PCDH19: variants seen among roughly 807,000 people sequenced by gnomAD.
PCDH19 encodes protocadherin 19.
In PCDH19, 6 loss-of-function variants were observed where a neutral mutation model predicts 46.2. That is an observed-to-expected ratio of 0.13 (90% CI 0.07 to 0.26). The LOEUF is 0.26. PCDH19 is among the 10% of genes least tolerant of loss of function. The probability of loss-of-function intolerance (pLI) is 1.00; values close to 1 mark genes in which losing one functional copy is unlikely to be tolerated. For synonymous variants in PCDH19, 481 were observed against 415.7 expected (o/e 1.16, Z -1.91); for missense variants, 740 against 972.3 (o/e 0.76, Z 3.18).
At chrX:100,388,300 TA>T (rs1181855891) in intron 3 of PCDH19, among the ~76,000 whole-genome samples, 1 of 109,730 alleles carries the variant, frequency 9.1e-6, no homozygotes, top group Non-Finnish European at 1.9e-5. Flanking sequence ...GTATTATAGT[TA>T]AACAATTGGA....
Position 100,291,704 on chromosome X carries a change from A to G in PCDH19, c.*4573T>C, listed in dbSNP as rs1343738600. The G allele has an allele frequency of 1.8e-5, 2 of 112,920 alleles. No homozygotes were observed. The highest frequency in any genetic ancestry group is 6.5e-5 in the African/African-American group (2 of 30,978). The allele number at this position is 112,920 out of a possible 1,213,427, so 9.3% of individuals were successfully genotyped here. ...ATTAAATTTTTGAAGCAGAGAAAAC[A>G]CATTTAAAGGGGGAAACAGAGAACC... On this transcript the variant is annotated 3_prime_UTR_variant, in exon 6 of 6. Coordinates refer to ENST00000373034, the MANE Select transcript of PCDH19 (RefSeq NM_001184880.2).
intron 3 of PCDH19, among the ~76,000 whole-genome samples, chrX:100,377,873 G>A (rs767637769): frequency 8.9e-6 from 1 of 112,149 alleles, no homozygotes; most frequent in African/African-American, 3.2e-5. Context: ...GGTTCGATGT[G>A]ATTGGAAATC....
At position 100,363,715 on chromosome X, in the gene PCDH19, T is replaced by C. The variant is rs751551643; in HGVS notation, c.2617-13011A>G. 5.9e-4 allele frequency among the ~76,000 whole-genome samples: 59 copies of C among 100,173 alleles called. No homozygotes were observed. The South Asian group carries it at 0.025, about 42-fold the overall frequency. The allele number at this position is 100,173 out of a possible 115,157, so 87.0% of individuals were successfully genotyped here. The stretch of plus-strand genomic sequence containing the variant: ...TTATATATAATATATTTATTTTATA[T>C]ATAATATATTTATTTTATATATATA... On this transcript the variant is annotated intron_variant, in intron 3 of 5. Transcript: ENST00000373034.
intron 5 of PCDH19, among the ~76,000 whole-genome samples, chrX:100,303,432 T>C (rs1445940954): frequency 3.6e-5 from 4 of 112,129 alleles, no homozygotes; most frequent in African/African-American, 1.3e-4. Flanking sequence ...TTAGATATCA[T>C]ATGGAAAATA....
At chrX:100,382,129 G>C (rs1358508913) in intron 3 of PCDH19, among the ~76,000 whole-genome samples, 2 of 109,303 alleles carry the variant, frequency 1.8e-5, no homozygotes, top group African/African-American at 6.6e-5. Flanking sequence ...TATTTTCTTG[G>C]CAATGCTTCA....
intron 3 of PCDH19, among the ~76,000 whole-genome samples, chrX:100,398,857 T>G (rs1308411118): frequency 8.9e-6 from 1 of 111,820 alleles, no homozygotes; most frequent in Non-Finnish European, 1.9e-5. Flanking sequence ...GATCTACAGC[T>G]CATAAAGGGA....
chrX:100,321,014 A>G (rs1281830351), intron 5 of PCDH19, among the ~76,000 whole-genome samples: 6 of 108,779 alleles, frequency 5.5e-5, no homozygotes, highest in Middle Eastern at 4.3e-3. Context: ...TAGCTTCTAC[A>G]TATCAGTGAG....
At chrX:100,334,723 C>A (rs1243096671) in intron 5 of PCDH19, among the ~76,000 whole-genome samples, 2 of 106,797 alleles carry the variant, frequency 1.9e-5, no homozygotes, top group African/African-American at 6.8e-5. Context: ...TAGAGACTCT[C>A]TGCAGGAACC....
intron 3 of PCDH19, among the ~76,000 whole-genome samples, chrX:100,351,938 T>G (rs1278223794): frequency 1.8e-5 from 2 of 111,887 alleles, no homozygotes; most frequent in African/African-American, 6.5e-5. Context: ...CCCAAGTGCC[T>G]ACAATAGGTA....
chrX:100,310,354 G>A lies in PCDH19; in HGVS notation c.2849-13479C>T, dbSNP rs141113960. ...GTATAAATCATTTGTGCTGATGCAT[G>A]GGGAGCAAGGAAATCAAGCAAAAGG... On this transcript the variant is annotated intron_variant, in intron 5 of 5. Coordinates refer to ENST00000373034, the MANE Select transcript of PCDH19 (RefSeq NM_001184880.2). Among the ~76,000 whole-genome samples the A allele has an allele frequency of 2.3e-3, 252 of 110,663 alleles. 1 individual carries two copies. Among genetic ancestry groups the A allele is most frequent in the Non-Finnish European group, 3.9e-3 (208 of 52,888 alleles).
At chrX:100,337,145 C>T (rs1170275567) in intron 5 of PCDH19, among the ~76,000 whole-genome samples, 1 of 111,027 alleles carries the variant, frequency 9.0e-6, no homozygotes, top group Non-Finnish European at 1.9e-5. Context: ...CTGCAGGAAC[C>T]GCATAAAGGC....
chrX:100,322,865 A>ATTTTTT (rs57520956), intron 5 of PCDH19, among the ~76,000 whole-genome samples: 58 of 54,369 alleles, frequency 1.1e-3, no homozygotes, highest in Non-Finnish European at 1.4e-3. Context: ...ATATATATAT[A>ATTTTTT]TTTTTGCAGC....
chrX:100,373,095 G>A (rs764094766), intron 3 of PCDH19, among the ~76,000 whole-genome samples: 6 of 112,636 alleles, frequency 5.3e-5, no homozygotes, highest in South Asian at 3.6e-4. Context: ...TGCAACCTCC[G>A]CCTCCGGGGT....
chrX:100,331,603 T>C (rs1925872439), intron 5 of PCDH19, among the ~76,000 whole-genome samples: 1 of 111,958 alleles, frequency 8.9e-6, no homozygotes, highest in Non-Finnish European at 1.9e-5. Flanking sequence ...TCCCCATGTG[T>C]TGAGGGAGGG....
chrX:100,338,477 G>A (rs932166595), intron 5 of PCDH19, among the ~76,000 whole-genome samples: 9 of 98,530 alleles, frequency 9.1e-5, no homozygotes, highest in African/African-American at 3.1e-4. Flanking sequence ...AGTAGAGATC[G>A]CACCAGTGCA....
intron 3 of PCDH19, among the ~76,000 whole-genome samples, chrX:100,369,947 A>G (rs1367737837): frequency 9.0e-6 from 1 of 111,695 alleles, no homozygotes; most frequent in Non-Finnish European, 1.9e-5. Context: ...CTTCAACGTG[A>G]TTCCCTCATA....
At chrX:100,392,477 C>T (rs191318550) in intron 3 of PCDH19, among the ~76,000 whole-genome samples, 3 of 112,039 alleles carry the variant, frequency 2.7e-5, no homozygotes, top group South Asian at 3.7e-4. Flanking sequence ...ATCTTCACTA[C>T]GAAAAAACCA....
At chrX:100,345,586 T>A (rs370372784) in intron 4 of PCDH19, among the ~76,000 whole-genome samples, 2 of 111,728 alleles carry the variant, frequency 1.8e-5, no homozygotes, top group East Asian at 5.6e-4. Context: ...AAAAAATTGA[T>A]CATCTTTTTC....
Position 100,295,906 on chromosome X carries a change from C to A in PCDH19, c.*371G>T. The A allele has an allele frequency of 6.4e-6, 1 of 155,553 alleles. No homozygotes were observed. The highest frequency in any genetic ancestry group is 1.2e-5 in the Non-Finnish European group (1 of 81,314). The allele number at this position is 155,553 out of a possible 1,213,427, so 12.8% of individuals were successfully genotyped here. On this transcript the variant is annotated 3_prime_UTR_variant, in exon 6 of 6. Transcript: ENST00000373034. ...AAAGGTGTCCAGAGCTTTTTTTTTT[C>A]ACTTTTTGCTTTTTTAAATGTAATC...
Sources: allele counts gnomAD v4.1 joint callset (sites outside exome capture counted in the v4.1 genomes callset), GRCh38; gene constraint gnomAD v4.1.1; transcripts MANE v1.5; gene names NCBI Gene and HGNC (gene_info 2026-07-23, HGNC 2026-07-21).